Variants in ZNF611 observed in about 807,000 individuals in gnomAD.
The protein encoded by ZNF611 is zinc finger protein 611.
Under a neutral mutation model 8.9 loss-of-function variants are expected in ZNF611, and 6 were observed. That is an observed-to-expected ratio of 0.68 (90% CI 0.37 to 1.34). ZNF611 has a LOEUF of 1.34. Ranked by LOEUF, ZNF611 falls within the 40% of genes most tolerant of loss-of-function variation. The probability of loss-of-function intolerance (pLI) is 0.02; values close to 1 mark genes in which losing one functional copy is unlikely to be tolerated. For synonymous variants in ZNF611, 262 were observed against 279.7 expected (o/e 0.94, Z 0.63); for missense variants, 874 against 841.3 (o/e 1.04, Z -0.48).
At chr19:52,724,705 C>T (rs1276497828) in intron 3 of ZNF611, 2 of 152,580 alleles carry the variant, frequency 1.3e-5, no homozygotes, top group Non-Finnish European at 2.9e-5. Flanking sequence ...CTCTAGCACC[C>T]CAGATCCCCA....
rs1256317703 is a variant in ZNF611 at position 52,704,036 on chromosome 19, G to A, written c.*901C>T. The A allele has an allele frequency of 5.3e-6, 1 of 187,420 alleles. No individual in the cohort carries two copies. Among genetic ancestry groups the A allele is most frequent in the Non-Finnish European group, 1.1e-5 (1 of 88,212 alleles). The allele number at this position is 187,420 out of a possible 1,614,324, so 11.6% of individuals were successfully genotyped here. ...AGGCTGAGAAAAGTGGCTCACATCT[G>A]TTGGCCATGCTGGTTTCAAACTCCT... is the stretch of plus-strand genomic sequence containing the variant. On this transcript the variant is annotated 3_prime_UTR_variant, in exon 6 of 6. Transcript: ENST00000652185.
chr19:52,713,953 GC>G, intron 5 of ZNF611, 61 bp downstream of exon 5: 8 of 1,597,298 alleles, frequency 5.0e-6, no homozygotes, highest in Non-Finnish European at 6.0e-6. Flanking sequence ...AGGATACAAA[GC>G]CAGGATGAGC....
intron 3 of ZNF611, among the ~76,000 whole-genome samples, chr19:52,727,196 T>C (rs2062398623): frequency 1.3e-5 from 2 of 152,154 alleles, no homozygotes; most frequent in Admixed American, 1.3e-4. Context: ...ACTTTTTAAA[T>C]GTGAGAAAAT....
chr19:52,727,683 C>T (rs2062401152), intron 3 of ZNF611, among the ~76,000 whole-genome samples: 1 of 152,136 alleles, frequency 6.6e-6, no homozygotes. Flanking sequence ...ATCTGCCCAC[C>T]TTGGCATATC....
rs566641928 is a variant in ZNF611, at chr19:52,708,202, T to C, written c.191-1338A>G. 8.6e-4 allele frequency: 130 copies of C among 151,954 alleles called. 1 individual carries two copies. Among genetic ancestry groups the C allele is most frequent in the African/African-American group, 2.9e-3 (121 of 41,508 alleles). 9.4% of individuals were successfully genotyped at this position (151,954 alleles called of 1,614,324 possible). A position where few individuals can be genotyped will look rare whatever the true frequency, so the allele number is the denominator to read the frequency against. ...CTTCTGATGTATGAGGCCAAGAAAA[T>C]ACACAGCATTAGGCCAGGCGCCTTG... On this transcript the variant is annotated intron_variant, in intron 5 of 5. Transcript: ENST00000652185.
rs2062231726 is a variant in ZNF611 at position 52,705,203 on chromosome 19, C to T, written c.1852G>A (p.Gly618Ser). Residue 618 changes from glycine (G) to serine (S), a missense_variant, in exon 6 of 6, where the codon GGT becomes AGT. Gly to Ser is a moderately conservative substitution (Grantham distance 56). Coordinates refer to ENST00000652185, the MANE Select transcript of ZNF611 (RefSeq NM_001161499.2). ...TCATTACACTTGTAAGGTTTCTCAC[C>T]ACTATGAAGTCTACGATGGCAATGA... Reference protein sequence around the residue: ...SLHCHRRLHSGEKPYKCNECG... With the variant: ...SLHCHRRLHSSEKPYKCNECG... 1 of 1,614,198 alleles carries T rather than the reference C, an allele frequency of 6.2e-7. No homozygotes were observed. The highest frequency in any genetic ancestry group is 2.2e-5 in the East Asian group (1 of 44,880).
At chr19:52,710,376 C>T (rs2062272012) in intron 5 of ZNF611, among the ~76,000 whole-genome samples, 1 of 151,922 alleles carries the variant, frequency 6.6e-6, no homozygotes, top group Non-Finnish European at 1.5e-5. Flanking sequence ...ATTACAGGTT[C>T]ATACCAACAC....
chr19:52,729,005 G>A (rs1319507894), intron 2 of ZNF611, 174 bp from the exon 3 acceptor site: 1 of 152,428 alleles, frequency 6.6e-6, no homozygotes, highest in Non-Finnish European at 1.5e-5. Flanking sequence ...GAGATTACAT[G>A]TCCTTCAAAT....
At position 52,705,693 on chromosome 19, in the gene ZNF611, G is replaced by A; in HGVS notation, c.1362C>T (p.Tyr454=). ...AAGCCTTGTCACAAACCTTACATTTGTAAGATTTCTCTCCACCATGAAGTC... is the reference window on the plus strand; with the variant it reads ...AAGCCTTGTCACAAACCTTACATTTATAAGATTTCTCTCCACCATGAAGTC... ...HHRLHGGEKS[Y]KCKVCDKAFV... Residue 454 remains tyrosine, a synonymous_variant, in exon 6 of 6, where the codon TAC becomes TAT. Coordinates refer to ENST00000652185, the MANE Select transcript of ZNF611 (RefSeq NM_001161499.2). The A allele has an allele frequency of 6.2e-7, 1 of 1,613,930 alleles. No homozygotes were observed. Among genetic ancestry groups the A allele is most frequent in the Non-Finnish European group, 8.5e-7 (1 of 1,179,888 alleles).
chr19:52,706,030 G>C lies in ZNF611; in HGVS notation c.1025C>G (p.Pro342Arg). ...IDKAIDTGENPYKCNECDKAF... is the reference protein window; with the variant it reads ...IDKAIDTGENRYKCNECDKAF... ...CTTGTCACATTCATTACACTTGTAA[G>C]GATTTTCTCCAGTATCAATTGCCTT... is the stretch of plus-strand genomic sequence containing the variant. Residue 342 changes from proline to arginine, a missense_variant, in exon 6 of 6, where the codon CCT becomes CGT. Transcript: ENST00000652185. The C allele has an allele frequency of 1.2e-6, 2 of 1,614,084 alleles. No individual in the cohort carries two copies. Among genetic ancestry groups the C allele is most frequent in the Non-Finnish European group, 8.5e-7 (1 of 1,180,018 alleles).
At chr19:52,707,035 C>T (rs770520625) in intron 5 of ZNF611, among the ~76,000 whole-genome samples, 171 bp from the exon 6 acceptor site, 60 of 152,112 alleles carry the variant, frequency 3.9e-4, no homozygotes, top group Non-Finnish European at 7.5e-4. Flanking sequence ...AGGGTGATTA[C>T]ATGTCCTTCA....
rs1181797315 is a variant in ZNF611 at position 52,704,978 on chromosome 19, G to A, written c.2077C>T (p.Leu693Phe). ...GTATGAATTCTATGATGACGTGAAA[G>A]GTGTGATTGTTGATTAAAAGCCTTC... Reference protein sequence around the residue: ...CGKAFNQQSHLSRHHRIHTGE... With the variant: ...CGKAFNQQSHFSRHHRIHTGE... Residue 693 changes from leucine to phenylalanine, a missense_variant, in exon 6 of 6, where the codon CTT becomes TTT. By Grantham distance (22) the Leu-to-Phe change is conservative (BLOSUM62 0). Transcript: ENST00000652185. 1.2e-6 allele frequency: 2 copies of A among 1,614,172 alleles called. No individual in the cohort carries two copies. The highest frequency in any genetic ancestry group is 2.2e-5 in the East Asian group (1 of 44,878).
intron 2 of ZNF611, among the ~76,000 whole-genome samples, chr19:52,729,517 A>G (rs1378387159): frequency 2.1e-5 from 3 of 145,136 alleles, no homozygotes; most frequent in Non-Finnish European, 4.5e-5. Context: ...AAAAAAAAAA[A>G]AGAAAAGAAA....
chr19:52,725,929 G>T (rs900769389), intron 3 of ZNF611, among the ~76,000 whole-genome samples: 1 of 152,116 alleles, frequency 6.6e-6, no homozygotes, highest in Non-Finnish European at 1.5e-5. Context: ...CGCACCCAGC[G>T]CCTCTGTTTT....
At chr19:52,716,901 A>G (rs2062320973) in intron 3 of ZNF611, among the ~76,000 whole-genome samples, 1 of 152,090 alleles carries the variant, frequency 6.6e-6, no homozygotes, top group Admixed American at 6.6e-5. Flanking sequence ...TACTAAAAAT[A>G]CAAAACTGAT....
chr19:52,725,137 G>A (rs865813178), intron 3 of ZNF611, among the ~76,000 whole-genome samples: 1 of 152,154 alleles, frequency 6.6e-6, no homozygotes, highest in African/African-American at 2.4e-5. Context: ...TTTTCCAGGA[G>A]GTGGAGCTGG....
Position 52,706,752 on chromosome 19 carries a change from A to C in ZNF611, c.303T>G (p.Phe101Leu). The C allele has an allele frequency of 1.9e-6, 3 of 1,614,204 alleles. No homozygotes were observed. The South Asian group carries it at 3.3e-5, about 18-fold the overall frequency. Residue 101 changes from phenylalanine to leucine, a missense_variant, in exon 6 of 6, where the codon TTT (phenylalanine) becomes TTG (leucine). Coordinates refer to ENST00000652185, the MANE Select transcript of ZNF611 (RefSeq NM_001161499.2). Reference sequence around the variant, plus strand: ...TTTCTTTCTCAATTTCCTGGAAGCAAAAATCTCCAATGTGATGACTTTCAT... The same window carrying C: ...TTTCTTTCTCAATTTCCTGGAAGCACAAATCTCCAATGTGATGACTTTCAT... ...QRHESHHIGD[F>L]CFQEIEKEIH... is the part of the protein sequence containing the mutation.
At chr19:52,720,367 C>T (rs561008160) in intron 3 of ZNF611, among the ~76,000 whole-genome samples, 115 of 151,946 alleles carry the variant, frequency 7.6e-4, no homozygotes, top group African/African-American at 2.5e-3. Context: ...CCCGACGGGG[C>T]GGCCGGGCAG....
At chr19:52,720,409 G>T (rs2062348133) in intron 3 of ZNF611, among the ~76,000 whole-genome samples, 2 of 151,400 alleles carry the variant, frequency 1.3e-5, no homozygotes, top group South Asian at 4.2e-4. Context: ...TGGGGCGGCC[G>T]GGCAGAGGCA....
Sources: gnomAD v4.1 joint callset for allele counts (sites outside exome capture counted in the v4.1 genomes callset) on GRCh38, gnomAD v4.1.1 for gene constraint, MANE v1.5 for transcripts, NCBI Gene and HGNC (gene_info 2026-07-23, HGNC 2026-07-21) for gene names.